UBE2O: variants seen among roughly 807,000 people sequenced by gnomAD.
The protein encoded by UBE2O is (E3-independent) E2 ubiquitin-conjugating enzyme.
UBE2O carries 15 observed loss-of-function variants against 125.8 expected under a neutral mutation model. The observed-to-expected ratio is 0.12, with a 90% confidence interval of 0.08 to 0.18. The LOEUF is 0.18. Ranked by LOEUF, UBE2O falls within the 10% of genes least tolerant of loss-of-function variation. The pLI is 1.00. For synonymous variants in UBE2O, 708 were observed against 703.2 expected, an observed-to-expected ratio of 1.01 and a Z score of -0.11; for missense variants, 1,280 against 1,723.6, an observed-to-expected ratio of 0.74 and a Z score of 4.56.
intron 5 of UBE2O, among the ~76,000 whole-genome samples, chr17:76,401,460 CT>C (rs1370763960): frequency 6.6e-6 from 1 of 152,212 alleles, no homozygotes; most frequent in African/African-American, 2.4e-5. Flanking sequence ...CACGCACCCC[CT>C]GTATATCTAC....
Position 76,396,955 on chromosome 17 carries a change from A to C in UBE2O, c.2116-134T>G. On this transcript the variant is annotated intron_variant, in intron 13 of 17. Transcript: ENST00000319380. This position sits in a 1 kb window ranked among gnomAD's most constrained non-coding sequence, Gnocchi z 6.7. Reference sequence around the variant, plus strand: ...CATGAGGCCTTGGCAACCTCATTCCACCCTTTCCCTGACCTCTGCTCTGGC... The same window carrying C: ...CATGAGGCCTTGGCAACCTCATTCCCCCCTTTCCCTGACCTCTGCTCTGGC... 1.4e-6 allele frequency: 1 copy of C among 714,304 alleles called. No individual in the cohort carries two copies. Among genetic ancestry groups the C allele is most frequent in the African/African-American group, 1.8e-5 (1 of 55,442 alleles). 44.2% of individuals were successfully genotyped at this position (714,304 alleles called of 1,614,324 possible). A position where few individuals can be genotyped will look rare whatever the true frequency, so the allele number is the denominator to read the frequency against.
intron 15 of UBE2O, among the ~76,000 whole-genome samples, chr17:76,392,900 C>T (rs62084962): frequency 0.51 from 77,264 of 150,834 alleles, 22,449 homozygotes; most frequent in South Asian, 0.68. Context: ...TGCAGTGAGC[C>T]GAGATTGTGC....
Position 76,426,214 on chromosome 17 carries a change from G to A in UBE2O, c.418-20642C>T, listed in dbSNP as rs188440825. Among the ~76,000 whole-genome samples, 129 of 152,240 alleles carry A rather than the reference G, an allele frequency of 8.5e-4. 1 individual carries two copies. Among genetic ancestry groups the A allele is most frequent in the Non-Finnish European group, 1.3e-3 (86 of 68,018 alleles). ...AGACAGGGTTTTGCCATGTTTCCCA[G>A]GCTGGTCTCGAACGGGGCTCAAGCG... On this transcript the variant is annotated intron_variant, in intron 1 of 17. Transcript: ENST00000319380.
In UBE2O at chr17:76,396,629, C is replaced by G. The variant is rs1275443991; in HGVS notation, c.2308G>C (p.Glu770Gln). 6.2e-7 allele frequency: 1 copy of G among 1,613,122 alleles called. No individual in the cohort carries two copies. The highest frequency in any genetic ancestry group is 1.1e-5 in the South Asian group (1 of 91,012). Residue 770 changes from glutamate (E) to glutamine (Q), a missense_variant, in exon 14 of 18, where the codon GAG becomes CAG. This residue lies in a region of UBE2O where 210 missense variants were observed against 268.9 expected (regional missense o/e 0.78). Transcript: ENST00000319380. The surrounding 1 kb of genome is among the most constrained non-coding windows in gnomAD (Gnocchi z 6.7). ...TCACTGATCACCACTCCCTTGTCCT[C>G]AGGGGCCACCGGCTGCTCCAGGGGT... ...IPPLEQPVAP[E>Q]DKGVVISEEA...
chr17:76,402,159 C>G lies in UBE2O; in HGVS notation c.687-32G>C. On this transcript the variant is annotated intron_variant, in intron 4 of 17. Coordinates refer to ENST00000319380, the MANE Select transcript of UBE2O (RefSeq NM_022066.4). This position sits in a 1 kb window ranked among gnomAD's most constrained non-coding sequence, Gnocchi z 5.4. ...CAGAGAACAGAGGTTTGGTCTCCAC[C>G]AGGGGACACAGTGAGTACCAAAAAG... 6.2e-7 allele frequency: 1 copy of G among 1,608,236 alleles called. No homozygotes were observed. Among genetic ancestry groups the G allele is most frequent in the South Asian group, 1.1e-5 (1 of 90,410 alleles).
chr17:76,396,096 G>A lies in UBE2O; in HGVS notation c.2809+32C>T. The A allele has an allele frequency of 1.2e-6, 2 of 1,604,438 alleles. No homozygotes were observed. Among genetic ancestry groups the A allele is most frequent in the South Asian group, 1.1e-5 (1 of 90,298 alleles). On this transcript the variant is annotated intron_variant, in intron 14 of 17. Coordinates refer to ENST00000319380, the MANE Select transcript of UBE2O (RefSeq NM_022066.4). This position sits in a 1 kb window ranked among gnomAD's most constrained non-coding sequence, Gnocchi z 6.7. ...CAAACAGGAGCCCCGAGAAGGCGGGGGAAGGCGAAGACCAGGCAAGGGCTG... is the reference window on the plus strand; with the variant it reads ...CAAACAGGAGCCCCGAGAAGGCGGGAGAAGGCGAAGACCAGGCAAGGGCTG...
At chr17:76,432,643 C>A (rs999561699) in intron 1 of UBE2O, among the ~76,000 whole-genome samples, 1 of 152,140 alleles carries the variant, frequency 6.6e-6, no homozygotes, top group Non-Finnish European at 1.5e-5. Flanking sequence ...TAGCACAGAT[C>A]CCAATGACAC....
At chr17:76,416,068 C>T (rs146763656) in intron 1 of UBE2O, among the ~76,000 whole-genome samples, 40 of 150,672 alleles carry the variant, frequency 2.7e-4, no homozygotes, top group African/African-American at 8.3e-4. Flanking sequence ...CACGTATATA[C>T]GTATGTGTAT....
rs550448207 is a variant in UBE2O at position 76,402,786 on chromosome 17, A to T, written c.589-87T>A. 1.8e-6 allele frequency: 2 copies of T among 1,099,538 alleles called. No homozygotes were observed. The highest frequency in any genetic ancestry group is 1.7e-5 in the Admixed American group (1 of 58,136). The allele number at this position is 1,099,538 out of a possible 1,614,324, so 68.1% of individuals were successfully genotyped here. On this transcript the variant is annotated intron_variant, in intron 3 of 17. Transcript: ENST00000319380. The surrounding 1 kb of genome is among the most constrained non-coding windows in gnomAD (Gnocchi z 5.4). ...GATTCCTCTATGCCCCACCGAAGAC[A>T]GGATGGGGGAGGATCTAGACAGCTC...
Position 76,399,844 on chromosome 17 carries a change from G to A in UBE2O, c.1233C>T (p.Ser411=). ...CCCCCTTCTTGTCTGGGTCTTCCAT[G>A]GAATGGTCCCGGGAACACTGGGTGT... ...SPDTQCSRDH[S]MEDPDKKGES... The change falls in exon 9 of 18, where the codon TCC becomes TCT. Residue 411 remains serine, a synonymous_variant. Coordinates refer to ENST00000319380, the MANE Select transcript of UBE2O (RefSeq NM_022066.4). This position sits in a 1 kb window ranked among gnomAD's most constrained non-coding sequence, Gnocchi z 6.9. 1 of 1,614,142 alleles carries A rather than the reference G, an allele frequency of 6.2e-7. No individual in the cohort carries two copies. The highest frequency in any genetic ancestry group is 8.5e-7 in the Non-Finnish European group (1 of 1,180,008).
chr17:76,412,025 C>T (rs1240559079), intron 1 of UBE2O, among the ~76,000 whole-genome samples: 7 of 152,132 alleles, frequency 4.6e-5, no homozygotes, highest in Admixed American at 4.6e-4. Context: ...TAGTCTCAAA[C>T]AGAAAAGGTC....
In UBE2O at chr17:76,397,831, C is replaced by T. The variant is rs758205503; in HGVS notation, c.2083G>A (p.Ala695Thr). The change falls in exon 13 of 18, where the codon GCT becomes ACT. Residue 695 changes from alanine to threonine, a missense_variant. Coordinates refer to ENST00000319380, the MANE Select transcript of UBE2O (RefSeq NM_022066.4). Reference sequence around the variant, plus strand: ...AGGATGATGGTCTTTGAGTTGTCAGCCCACACCACCTCCACCTTGCTGCTG... The same window carrying T: ...AGGATGATGGTCTTTGAGTTGTCAGTCCACACCACCTCCACCTTGCTGCTG... ...DVSSKVEVVW[A>T]DNSKTIILPQ... is the part of the protein sequence containing the mutation. 5 of 1,614,198 alleles carry T rather than the reference C, an allele frequency of 3.1e-6. No individual in the cohort carries two copies. The highest frequency in any genetic ancestry group is 4.2e-6 in the Non-Finnish European group (5 of 1,180,044).
intron 1 of UBE2O, among the ~76,000 whole-genome samples, chr17:76,428,075 T>C (rs1167403129): frequency 6.6e-6 from 1 of 152,222 alleles, no homozygotes. Flanking sequence ...TTTTAAGTGA[T>C]TGTAATGGGA....
chr17:76,444,002 C>T (rs924258692), intron 1 of UBE2O, among the ~76,000 whole-genome samples: 3 of 152,194 alleles, frequency 2.0e-5, no homozygotes, highest in African/African-American at 4.8e-5. Context: ...GGATGGATCA[C>T]CTGAGGTCAA....
At chr17:76,420,322 TGGGAGCAGGGGGCTATGG>T (rs1400610159) in intron 1 of UBE2O, among the ~76,000 whole-genome samples, 1 of 150,100 alleles carries the variant, frequency 6.7e-6, no homozygotes, top group Admixed American at 6.6e-5. Flanking sequence ...CCCACTGAAG[TGGGAGCAGGGGGCTATGG>T]AGGAGCAGGG....
intron 1 of UBE2O, among the ~76,000 whole-genome samples, chr17:76,421,183 C>A (rs1021862981): frequency 6.6e-6 from 1 of 152,152 alleles, no homozygotes; most frequent in East Asian, 1.9e-4. Context: ...GGGAAACTCA[C>A]AGCTACAGTG....
In UBE2O at chr17:76,400,000, G is replaced by A. The variant is rs1406712653; in HGVS notation, c.1156-79C>T. 1.3e-6 allele frequency: 2 copies of A among 1,527,822 alleles called. No homozygotes were observed. Among genetic ancestry groups the A allele is most frequent in the Non-Finnish European group, 1.8e-6 (2 of 1,130,868 alleles). The allele number at this position is 1,527,822 out of a possible 1,614,324, so 94.6% of individuals were successfully genotyped here. A position where few individuals can be genotyped will look rare whatever the true frequency, so the allele number is the denominator to read the frequency against. Reference sequence around the variant, plus strand: ...GGCCCTAGGCATCTCAGGCTGGGGGGATGACAGCTGTATACACCTGAGTAG... The same window carrying A: ...GGCCCTAGGCATCTCAGGCTGGGGGAATGACAGCTGTATACACCTGAGTAG... On this transcript the variant is annotated intron_variant, in intron 8 of 17. Transcript: ENST00000319380. This position sits in a 1 kb window ranked among gnomAD's most constrained non-coding sequence, Gnocchi z 6.9.
At chr17:76,432,994 G>A (rs1302552383) in intron 1 of UBE2O, among the ~76,000 whole-genome samples, 4 of 152,124 alleles carry the variant, frequency 2.6e-5, no homozygotes, top group Admixed American at 2.6e-4. Context: ...TATGTAAAAT[G>A]GTGCAGTTGC....
chr17:76,446,565 C>T (rs888496462), intron 1 of UBE2O, among the ~76,000 whole-genome samples: 1 of 152,074 alleles, frequency 6.6e-6, no homozygotes, highest in Non-Finnish European at 1.5e-5. Flanking sequence ...AGCAAAAACA[C>T]ACGGAAACTG....
Sources: gnomAD v4.1 joint callset for allele counts (sites outside exome capture counted in the v4.1 genomes callset) on GRCh38, gnomAD v4.1.1 for gene constraint, gnomAD v4.1.1 regional missense constraint, Gnocchi (gnomAD v3.1) non-coding constraint, MANE v1.5 for transcripts, NCBI Gene and HGNC (gene_info 2026-07-23, HGNC 2026-07-21) for gene names.